Variants in TMEM178B observed in about 807,000 individuals in gnomAD.
TMEM178B encodes transmembrane protein 178B.
TMEM178B carries 5 observed loss-of-function variants against 31.0 expected under a neutral mutation model. The observed-to-expected ratio is 0.16, with a 90% CI of 0.08 to 0.34. TMEM178B has a LOEUF of 0.34. TMEM178B is among the 10% of genes least tolerant of loss of function. The pLI is 1.00. For missense variants in TMEM178B, 275 were observed against 400.3 expected, an observed-to-expected ratio of 0.69 and a Z score of 2.67; for synonymous variants, 164 against 164.0, an observed-to-expected ratio of 1.00 and a Z score of 0.00.
chr7:141,273,117 C>G (rs1230189854), intron 2 of TMEM178B, among the ~76,000 whole-genome samples: 3 of 152,002 alleles, frequency 2.0e-5, no homozygotes, highest in Non-Finnish European at 2.9e-5. Flanking sequence ...GTAAAATAAG[C>G]CAGACAAAGA....
At chr7:141,436,086 G>T (rs368866517) in intron 2 of TMEM178B, among the ~76,000 whole-genome samples, 46 of 152,286 alleles carry the variant, frequency 3.0e-4, no homozygotes, top group East Asian at 1.9e-3. Flanking sequence ...GGGTGGTCTG[G>T]ATCCCTCTAC....
At chr7:141,153,156 A>G (rs73167440) in intron 1 of TMEM178B, among the ~76,000 whole-genome samples, 1,925 of 152,354 alleles carry the variant, frequency 0.013, 24 homozygotes, top group Non-Finnish European at 0.023. Flanking sequence ...ATTCACAGAT[A>G]GCAACTGTTA....
intron 1 of TMEM178B, among the ~76,000 whole-genome samples, chr7:141,127,198 T>C (rs1321809019): frequency 1.3e-5 from 2 of 152,214 alleles, no homozygotes; most frequent in African/African-American, 2.4e-5. Context: ...GAGCTCTTTT[T>C]CTTCTTACTC....
rs536960502 is a variant in TMEM178B at position 141,256,849 on chromosome 7, G to A, written c.496+44145G>A. Among the ~76,000 whole-genome samples, 68 of 152,276 alleles carry A rather than the reference G, an allele frequency of 4.5e-4. No individual in the cohort carries two copies. In the Middle Eastern group the frequency reaches 0.01, roughly 23 times the overall value. The stretch of plus-strand genomic sequence containing the variant: ...TGACGTGATTGGATGTAGGATGTGA[G>A]AGAATGGAATTATCAATTTCTGAAA... On this transcript the variant is annotated intron_variant, in intron 2 of 3. Transcript: ENST00000565468.
chr7:141,130,157 C>T (rs1795571008), intron 1 of TMEM178B, among the ~76,000 whole-genome samples: 1 of 152,118 alleles, frequency 6.6e-6, no homozygotes, highest in Non-Finnish European at 1.5e-5. Flanking sequence ...TTTAAAAATG[C>T]GAATTTTCCC....
intron 2 of TMEM178B, among the ~76,000 whole-genome samples, chr7:141,328,184 C>T (rs942514453): frequency 3.3e-5 from 5 of 152,202 alleles, no homozygotes; most frequent in Non-Finnish European, 7.3e-5. Context: ...TTCTGGTCAT[C>T]ACATTTCTTC....
At chr7:141,386,021 A>G (rs1586926551) in intron 2 of TMEM178B, among the ~76,000 whole-genome samples, 1 of 152,220 alleles carries the variant, frequency 6.6e-6, no homozygotes, top group Admixed American at 6.5e-5. Flanking sequence ...TGGACTTGCT[A>G]CAATATTCCT....
At chr7:141,488,495 A>C in the TMEM178B span, among the ~76,000 whole-genome samples, 1 of 151,506 alleles carries the variant, frequency 6.6e-6, no homozygotes, top group Non-Finnish European at 1.5e-5. Flanking sequence ...ACTGGAGTGC[A>C]GTGGTGCAAT....
intron 2 of TMEM178B, among the ~76,000 whole-genome samples, chr7:141,341,448 TCTC>T: frequency 6.6e-6 from 1 of 152,144 alleles, no homozygotes; most frequent in African/African-American, 2.4e-5. Context: ...TCACCTTTTC[TCTC>T]CTCCTAAAAA....
chr7:141,452,563 A>C (rs1801885318), intron 3 of TMEM178B, among the ~76,000 whole-genome samples: 1 of 152,104 alleles, frequency 6.6e-6, no homozygotes, highest in South Asian at 2.1e-4. Context: ...CCTGAGTGCC[A>C]TCTGGGCCCT....
intron 2 of TMEM178B, among the ~76,000 whole-genome samples, chr7:141,319,540 T>C (rs1442847583): frequency 6.6e-6 from 1 of 152,140 alleles, no homozygotes; most frequent in Non-Finnish European, 1.5e-5. Flanking sequence ...AAAGTGTTTG[T>C]ATTCTTTACT....
intron 1 of TMEM178B, among the ~76,000 whole-genome samples, chr7:141,185,132 A>G (rs1176009041): frequency 6.6e-6 from 1 of 152,166 alleles, no homozygotes. Context: ...CTCCAACCCC[A>G]CGGCAGTATC....
At chr7:141,212,569 G>A in intron 1 of TMEM178B, 22 bp from the exon 2 acceptor site, 1 of 1,528,724 alleles carries the variant, frequency 6.5e-7, no homozygotes, top group Non-Finnish European at 8.8e-7. Context: ...TTAACATTTT[G>A]TTTCCTGTTT....
chr7:141,090,441 C>G (rs373068232), intron 1 of TMEM178B, among the ~76,000 whole-genome samples: 4 of 152,200 alleles, frequency 2.6e-5, no homozygotes, highest in African/African-American at 7.2e-5. Context: ...CAGTAATGTC[C>G]TCGGGTTGTC....
chr7:141,429,304 G>A, intron 2 of TMEM178B, among the ~76,000 whole-genome samples: 1 of 76,804 alleles, frequency 1.3e-5, no homozygotes. Flanking sequence ...TAAAGAAAAT[G>A]TAATACACAC....
intron 2 of TMEM178B, among the ~76,000 whole-genome samples, chr7:141,419,483 T>C (rs1801161325): frequency 6.6e-6 from 1 of 152,196 alleles, no homozygotes; most frequent in Non-Finnish European, 1.5e-5. Flanking sequence ...TCTGCTATAG[T>C]GCAGGTCTTC....
At chr7:141,231,920 A>G (rs1301692793) in intron 2 of TMEM178B, among the ~76,000 whole-genome samples, 3 of 152,152 alleles carry the variant, frequency 2.0e-5, no homozygotes, top group Non-Finnish European at 4.4e-5. Flanking sequence ...ATTAAGCCCA[A>G]CATCTATTAG....
chr7:141,264,248 C>A (rs2116366446), intron 2 of TMEM178B, among the ~76,000 whole-genome samples: 1 of 152,302 alleles, frequency 6.6e-6, no homozygotes, highest in South Asian at 2.1e-4. Flanking sequence ...CTAGGCAAAC[C>A]AAGACACTGC....
intron 2 of TMEM178B, among the ~76,000 whole-genome samples, chr7:141,392,278 C>CT (rs1800556796): frequency 6.6e-6 from 1 of 152,124 alleles, no homozygotes; most frequent in South Asian, 2.1e-4. Flanking sequence ...TAGTTCTGAC[C>CT]TTTAACACTC....
Sources: gnomAD v4.1 joint callset for allele counts (sites outside exome capture counted in the v4.1 genomes callset) on GRCh38, gnomAD v4.1.1 for gene constraint, MANE v1.5 for transcripts, NCBI Gene and HGNC (gene_info 2026-07-23, HGNC 2026-07-21) for gene names.